ZHX3: variants seen among roughly 807,000 people sequenced by gnomAD.
ZHX3 encodes the protein zinc fingers and homeoboxes protein 3.
A neutral mutation model predicts 64.5 loss-of-function variants in ZHX3; 20 were observed. The observed-to-expected ratio is 0.31, with a 90% confidence interval of 0.22 to 0.45. ZHX3 has a LOEUF of 0.45. ZHX3 is among the 20% of genes least tolerant of loss of function. The probability of loss-of-function intolerance (pLI) is 1.00; values close to 1 mark genes in which losing one functional copy is unlikely to be tolerated. For synonymous variants in ZHX3, 423 were observed against 461.6 expected, an observed-to-expected ratio of 0.92 and a Z score of 1.07; for missense variants, 1,041 against 1,195.8, an observed-to-expected ratio of 0.87 and a Z score of 1.91.
chr20:41,280,851 G>A (rs1417511890), intron 1 of ZHX3, among the ~76,000 whole-genome samples: 1 of 151,610 alleles, frequency 6.6e-6, no homozygotes, highest in Non-Finnish European at 1.5e-5. Flanking sequence ...GGGAAAGGAG[G>A]ATAAATCTAG....
intron 1 of ZHX3, among the ~76,000 whole-genome samples, chr20:41,311,803 TTAGAGA>T (rs1257405607): frequency 6.6e-6 from 1 of 152,178 alleles, no homozygotes; most frequent in Non-Finnish European, 1.5e-5. Context: ...TCCCGAAGAT[TTAGAGA>T]TAATGTGTGA....
chr20:41,248,158 C>T (rs1017181941), intron 2 of ZHX3, among the ~76,000 whole-genome samples: 6 of 152,188 alleles, frequency 3.9e-5, no homozygotes, highest in Admixed American at 2.6e-4. Context: ...CTCTCTTTGA[C>T]GAGAATACTC....
At chr20:41,288,910 G>A (rs1290850932) in intron 1 of ZHX3, among the ~76,000 whole-genome samples, 1 of 152,144 alleles carries the variant, frequency 6.6e-6, no homozygotes, top group Non-Finnish European at 1.5e-5. Context: ...ATACTTAGAT[G>A]TTACATTGAA....
rs1255473638 is a variant in ZHX3 at position 41,202,096 on chromosome 20, G to A, written c.2821C>T (p.Pro941Ser). 6.2e-7 allele frequency: 1 copy of A among 1,612,558 alleles called. No individual in the cohort carries two copies. The highest frequency in any genetic ancestry group is 8.5e-7 in the Non-Finnish European group (1 of 1,179,226). Residue 941 changes from proline to serine, a missense_variant, in exon 3 of 4, where the codon CCC becomes TCC. By Grantham distance (74) the Pro-to-Ser change is moderately conservative (BLOSUM62 -1). Coordinates refer to ENST00000683867, the MANE Select transcript of ZHX3 (RefSeq NM_001384317.1). This position sits in a 1 kb window ranked among gnomAD's most constrained non-coding sequence, Gnocchi z 7.0. ...GCCTGGGGACTCGATGTGTCAAAGG[G>A]CTCTGAGCTGGCCTCAGGGACACGG... ...EPRVPEASSE[P>S]FDTSSPQAGR...
At chr20:41,262,667 T>A (rs976092965) in intron 2 of ZHX3, among the ~76,000 whole-genome samples, 2 of 152,238 alleles carry the variant, frequency 1.3e-5, no homozygotes, top group African/African-American at 4.8e-5. Flanking sequence ...TTGCCTTTAC[T>A]TTTGTATCTC....
At chr20:41,299,105 G>C (rs2044683098) in intron 1 of ZHX3, among the ~76,000 whole-genome samples, 1 of 152,196 alleles carries the variant, frequency 6.6e-6, no homozygotes, top group Admixed American at 6.5e-5. Flanking sequence ...ATAGAGTGCA[G>C]CTCCTATGTG....
At chr20:41,274,570 C>T (rs558373367) in intron 1 of ZHX3, among the ~76,000 whole-genome samples, 1 of 152,210 alleles carries the variant, frequency 6.6e-6, no homozygotes, top group African/African-American at 2.4e-5. Flanking sequence ...TGGATACAAT[C>T]TGTTTTTTGC....
chr20:41,184,359 G>C lies in ZHX3; in HGVS notation c.*832C>G, dbSNP rs1002810303. The C allele has an allele frequency of 9.2e-5, 14 of 152,478 alleles. No homozygotes were observed. The highest frequency in any genetic ancestry group is 3.1e-4 in the African/African-American group (13 of 41,364). 9.4% of individuals were successfully genotyped at this position (152,478 alleles called of 1,614,324 possible). A position where few individuals can be genotyped will look rare whatever the true frequency, so the allele number is the denominator to read the frequency against. ...TTAAAAAAAAAATGCAGGCACATAG[G>C]TCAGCACATTAGGCTTAACAACAAA... On this transcript the variant is annotated 3_prime_UTR_variant, in exon 4 of 4. Transcript: ENST00000683867.
At position 41,195,317 on chromosome 20, in the gene ZHX3, T is replaced by A. The variant is rs2037397179; in HGVS notation, c.2860+6740A>T. Among the ~76,000 whole-genome samples, 1 of 152,178 alleles carries A rather than the reference T, an allele frequency of 6.6e-6. No homozygotes were observed. Among genetic ancestry groups the A allele is most frequent in the Non-Finnish European group, 1.5e-5 (1 of 68,026 alleles). On this transcript the variant is annotated intron_variant, in intron 3 of 3. Coordinates refer to ENST00000683867, the MANE Select transcript of ZHX3 (RefSeq NM_001384317.1). The surrounding 1 kb of genome is among the most constrained non-coding windows in gnomAD (Gnocchi z 4.2). ...TTTTTGTAGAGACAGGATCCCACTT[T>A]GTTACCCAGGCAGGTCTCAAACTCC...
At chr20:41,252,161 C>T (rs1299217426) in intron 2 of ZHX3, among the ~76,000 whole-genome samples, 1 of 152,156 alleles carries the variant, frequency 6.6e-6, no homozygotes, top group Non-Finnish European at 1.5e-5. Flanking sequence ...TCCAAAAGAC[C>T]AGAGGCACAG....
chr20:41,275,694 T>C (rs1240959423), intron 1 of ZHX3, among the ~76,000 whole-genome samples: 8 of 152,186 alleles, frequency 5.3e-5, no homozygotes, highest in Non-Finnish European at 1.0e-4. Context: ...AAAGCCCTTC[T>C]AACATGGCAG....
At chr20:41,199,627 G>A (rs2146211134) in intron 3 of ZHX3, among the ~76,000 whole-genome samples, 1 of 151,658 alleles carries the variant, frequency 6.6e-6, no homozygotes, top group Non-Finnish European at 1.5e-5. Flanking sequence ...CTCTGCCCAA[G>A]GGCATTGAGA....
chr20:41,185,073 C>G lies in ZHX3; in HGVS notation c.*118G>C. The G allele has an allele frequency of 6.4e-7, 1 of 1,555,758 alleles. No individual in the cohort carries two copies. Among genetic ancestry groups the G allele is most frequent in the South Asian group, 1.2e-5 (1 of 84,606 alleles). ...TCTGCGAGGATTCTGGAAGCTCTCC[C>G]AGGTGCCCAGCAGCCGGGCATGGGA... is the stretch of plus-strand genomic sequence containing the variant. On this transcript the variant is annotated 3_prime_UTR_variant, in exon 4 of 4. Coordinates refer to ENST00000683867, the MANE Select transcript of ZHX3 (RefSeq NM_001384317.1). The surrounding 1 kb of genome is among the most constrained non-coding windows in gnomAD (Gnocchi z 5.0).
intron 2 of ZHX3, among the ~76,000 whole-genome samples, chr20:41,253,194 A>G (rs1345894409): frequency 1.3e-5 from 2 of 152,132 alleles, no homozygotes; most frequent in African/African-American, 2.4e-5. Flanking sequence ...CCACATTCAC[A>G]GTTAAAATAA....
intron 2 of ZHX3, among the ~76,000 whole-genome samples, chr20:41,210,247 T>G (rs890137057): frequency 5.9e-5 from 9 of 152,200 alleles, no homozygotes; most frequent in Non-Finnish European, 1.2e-4. Flanking sequence ...ACACTGTTGG[T>G]GGGACTGTAA....
rs1484090168 is a variant in ZHX3, at chr20:41,232,798, G to GCT, written c.-150-27733_-150-27732insAG. 6.6e-6 allele frequency among the ~76,000 whole-genome samples: 1 copy of GCT among 151,846 alleles called. No individual in the cohort carries two copies. Among genetic ancestry groups the GCT allele is most frequent in the Non-Finnish European group, 1.5e-5 (1 of 67,968 alleles). ...GACGGGGTTTCACCGTGTTAGCCAG[G>GCT]ATAGTCTCGATCTCCTGACCTCGTG... On this transcript the variant is annotated intron_variant, in intron 2 of 3. Coordinates refer to ENST00000683867, the MANE Select transcript of ZHX3 (RefSeq NM_001384317.1). This position sits in a 1 kb window ranked among gnomAD's most constrained non-coding sequence, Gnocchi z 5.0.
At chr20:41,304,005 T>C (rs1484467764) in intron 1 of ZHX3, among the ~76,000 whole-genome samples, 1 of 152,208 alleles carries the variant, frequency 6.6e-6, no homozygotes, top group Non-Finnish European at 1.5e-5. Context: ...CTAAATCCAA[T>C]GGACAACTTC....
chr20:41,190,838 C>A (rs1056834416), intron 3 of ZHX3, among the ~76,000 whole-genome samples: 1 of 152,058 alleles, frequency 6.6e-6, no homozygotes, highest in Non-Finnish European at 1.5e-5. Flanking sequence ...CTTTTTTTCC[C>A]CTTCAGCCCT....
At chr20:41,257,560 T>C (rs775571182) in intron 2 of ZHX3, among the ~76,000 whole-genome samples, 9 of 152,104 alleles carry the variant, frequency 5.9e-5, no homozygotes, top group Non-Finnish European at 1.2e-4. Context: ...ACAATGACTC[T>C]TAAAAGTGAG....
Sources: gnomAD v4.1 joint callset for allele counts (sites outside exome capture counted in the v4.1 genomes callset) on GRCh38, gnomAD v4.1.1 for gene constraint, Gnocchi (gnomAD v3.1) non-coding constraint, MANE v1.5 for transcripts, NCBI Gene and HGNC (gene_info 2026-07-23, HGNC 2026-07-21) for gene names.